The following ZNF710 variants were observed in gnomAD, a reference collection of about 807,000 sequenced individuals.
ZNF710 encodes zinc finger protein 710.
ZNF710 carries 13 observed loss-of-function variants against 50.6 expected under a neutral mutation model. That is an observed-to-expected ratio of 0.26 (90% CI 0.17 to 0.41). The LOEUF is 0.41. ZNF710 is among the 10% of genes least tolerant of loss of function. The pLI, the probability that ZNF710 is intolerant of heterozygous loss-of-function variation, is 1.00. For synonymous variants in ZNF710, 383 were observed against 397.0 expected (o/e 0.96, Z 0.42); for missense variants, 721 against 936.6 (o/e 0.77, Z 3.01).
At chr15:90,005,221 G>T (rs1898109717) in intron 1 of ZNF710, among the ~76,000 whole-genome samples, 1 of 152,150 alleles carries the variant, frequency 6.6e-6, no homozygotes, top group Non-Finnish European at 1.5e-5. Flanking sequence ...GTAGATACTT[G>T]CTGAATGAAT....
At chr15:89,999,789 T>G (rs1897973274), upstream of ZNF710, among the ~76,000 whole-genome samples, 1 of 151,216 alleles carries the variant, frequency 6.6e-6, no homozygotes, top group South Asian at 2.1e-4. Context: ...GGAGAGACAA[T>G]GGGGCTCAGC....
Position 90,062,873 on chromosome 15 carries a change from C to T in ZNF710, c.-28-4237C>T, listed in dbSNP as rs1596051384. Among the ~76,000 whole-genome samples, 1 of 152,172 alleles carries T rather than the reference C, an allele frequency of 6.6e-6. No individual in the cohort carries two copies. The highest frequency in any genetic ancestry group is 1.5e-5 in the Non-Finnish European group (1 of 68,018). On this transcript the variant is annotated intron_variant, in intron 1 of 4. Coordinates refer to ENST00000268154, the MANE Select transcript of ZNF710 (RefSeq NM_198526.4). This position sits in a 1 kb window ranked among gnomAD's most constrained non-coding sequence, Gnocchi z 5.6. Reference sequence around the variant, plus strand: ...ACACACACACAGCCTGCCTGGCCGCCCCAGTGAACAAGACAACATGGACAC... The same window carrying T: ...ACACACACACAGCCTGCCTGGCCGCTCCAGTGAACAAGACAACATGGACAC...
chr15:90,001,241 G>A (rs1898002734), upstream of ZNF710, among the ~76,000 whole-genome samples: 1 of 152,248 alleles, frequency 6.6e-6, no homozygotes. Context: ...GAAAACTTGG[G>A]CTGACAAGAG....
chr15:90,012,072 G>A (rs983117723), intron 1 of ZNF710, among the ~76,000 whole-genome samples: 2 of 152,082 alleles, frequency 1.3e-5, no homozygotes, highest in Non-Finnish European at 2.9e-5. Flanking sequence ...AAGTGTGGTG[G>A]CGTGTGCCTG....
At chr15:90,077,761 T>C (rs916354664) in intron 4 of ZNF710, among the ~76,000 whole-genome samples, 2 of 152,086 alleles carry the variant, frequency 1.3e-5, no homozygotes, top group Non-Finnish European at 2.9e-5. Flanking sequence ...CATTAAGAAA[T>C]GGCTCAAGAC....
chr15:90,028,779 C>G (rs1029883509), intron 1 of ZNF710, among the ~76,000 whole-genome samples: 1 of 152,110 alleles, frequency 6.6e-6, no homozygotes, highest in South Asian at 2.1e-4. Context: ...TGTGTGTGAA[C>G]GGTGTGACTA....
intron 1 of ZNF710, among the ~76,000 whole-genome samples, chr15:90,013,084 T>C (rs549709796): frequency 7.9e-5 from 12 of 152,242 alleles, no homozygotes; most frequent in Non-Finnish European, 1.5e-4. Context: ...GATTTTTGCT[T>C]TTTGTTTGTT....
chr15:90,035,074 C>G (rs982158388), intron 1 of ZNF710, among the ~76,000 whole-genome samples: 1 of 152,182 alleles, frequency 6.6e-6, no homozygotes, highest in Non-Finnish European at 1.5e-5. Context: ...AGTGAAGGAC[C>G]AGGCAGAGAA....
intron 1 of ZNF710, among the ~76,000 whole-genome samples, chr15:90,051,961 A>G (rs547684385): frequency 5.1e-4 from 78 of 152,246 alleles, no homozygotes; most frequent in South Asian, 5.0e-3. Context: ...GGTGGAGGAC[A>G]GGTCTGCTGG....
At chr15:90,044,785 G>A (rs1899409023) in intron 1 of ZNF710, among the ~76,000 whole-genome samples, 1 of 152,130 alleles carries the variant, frequency 6.6e-6, no homozygotes, top group Non-Finnish European at 1.5e-5. Context: ...ACCTGTTAAA[G>A]CAGTGGCTCC....
intron 1 of ZNF710, among the ~76,000 whole-genome samples, chr15:90,043,041 C>G (rs1045447260): frequency 4.6e-5 from 7 of 152,242 alleles, no homozygotes; most frequent in African/African-American, 1.7e-4. Context: ...AGGCGGCGGG[C>G]TTCTTTGGAG....
rs576483036 is a variant in ZNF710, at chr15:90,064,870, C to G, written c.-28-2240C>G. On this transcript the variant is annotated intron_variant, in intron 1 of 4. Coordinates refer to ENST00000268154, the MANE Select transcript of ZNF710 (RefSeq NM_198526.4). ...GTGTTAGGACCGTGGGCCCTCACAA[C>G]CCTTCCATGGGTGAGTGTTTTCATC... Among the ~76,000 whole-genome samples, 6 of 152,290 alleles carry G rather than the reference C, an allele frequency of 3.9e-5. No homozygotes were observed. The South Asian group carries it at 1.2e-3, about 32-fold the overall frequency.
intron 1 of ZNF710, chr15:90,002,498 G>C (rs1898039402): frequency 6.6e-6 from 1 of 152,362 alleles, no homozygotes; most frequent in African/African-American, 2.4e-5. Context: ...TTCCTAATTG[G>C]ATGGAGCTGT....
At chr15:90,055,595 T>C (rs1899788107) in intron 1 of ZNF710, among the ~76,000 whole-genome samples, 2 of 152,218 alleles carry the variant, frequency 1.3e-5, no homozygotes, top group African/African-American at 4.8e-5. Context: ...TCTTCTCTCT[T>C]TTGACTGACT....
intron 1 of ZNF710, among the ~76,000 whole-genome samples, chr15:90,065,951 C>T (rs2151525094): frequency 6.6e-6 from 1 of 152,266 alleles, no homozygotes; most frequent in African/African-American, 2.4e-5. Context: ...TGAATGTGAA[C>T]TTGGGAGCCT....
chr15:90,062,840 G>A lies in ZNF710; in HGVS notation c.-28-4270G>A, dbSNP rs1337399498. ...GCCCCTTCTGCATACACACACGCGC[G>A]CACGCGCACACACACACAGCCTGCC... On this transcript the variant is annotated intron_variant, in intron 1 of 4. Transcript: ENST00000268154. The surrounding 1 kb of genome is among the most constrained non-coding windows in gnomAD (Gnocchi z 5.6). Among the ~76,000 whole-genome samples, 2 of 152,118 alleles carry A rather than the reference G, an allele frequency of 1.3e-5. No individual in the cohort carries two copies. The highest frequency in any genetic ancestry group is 2.9e-5 in the Non-Finnish European group (2 of 67,998).
intron 1 of ZNF710, among the ~76,000 whole-genome samples, chr15:90,049,877 G>A (rs1019562722): frequency 6.6e-5 from 10 of 152,196 alleles, no homozygotes; most frequent in African/African-American, 7.2e-5. Context: ...TATCTGAGGC[G>A]AGCATCTCCC....
chr15:90,013,336 C>G (rs1228376680), intron 1 of ZNF710, among the ~76,000 whole-genome samples: 1 of 152,208 alleles, frequency 6.6e-6, no homozygotes, highest in Non-Finnish European at 1.5e-5. Context: ...CTTCTGACCT[C>G]AAGTGATCTG....
chr15:90,068,687 G>T lies in ZNF710; in HGVS notation c.1458+92G>T. On this transcript the variant is annotated intron_variant, in intron 2 of 4. Coordinates refer to ENST00000268154, the MANE Select transcript of ZNF710 (RefSeq NM_198526.4). The surrounding 1 kb of genome is among the most constrained non-coding windows in gnomAD (Gnocchi z 5.0). ...CAAAGTCCCAGATGGGACCATTTAG[G>T]TGGTCTCCTAGTTTTATCGTTACGT... 7.2e-7 allele frequency: 1 copy of T among 1,385,278 alleles called. No individual in the cohort carries two copies. The highest frequency in any genetic ancestry group is 9.7e-7 in the Non-Finnish European group (1 of 1,027,418). 85.8% of individuals were successfully genotyped at this position (1,385,278 alleles called of 1,614,324 possible).
Sources: allele counts gnomAD v4.1 joint callset (sites outside exome capture counted in the v4.1 genomes callset), GRCh38; gene constraint gnomAD v4.1.1; non-coding constraint Gnocchi (gnomAD v3.1); transcripts MANE v1.5; gene names NCBI Gene and HGNC (gene_info 2026-07-23, HGNC 2026-07-21).